USP8: variants seen among roughly 807,000 people sequenced by gnomAD.
USP8 encodes the protein ubiquitin specific peptidase 8, also known as ubiquitin carboxyl-terminal hydrolase 8.
In USP8, 27 loss-of-function variants were observed where a neutral mutation model predicts 130.0. The observed-to-expected ratio is 0.21, with a 90% confidence interval of 0.15 to 0.29. The LOEUF (loss-of-function observed/expected upper bound fraction) is 0.29. Among genes scored for constraint, USP8 ranks in the 10% least tolerant of loss-of-function variants. The pLI is 1.00. For synonymous variants in USP8, 392 were observed against 444.1 expected (o/e 0.88, Z 1.48); for missense variants, 1,029 against 1,312.2 (o/e 0.78, Z 3.33).
Position 50,459,050 on chromosome 15 carries a change from A to G in USP8, c.386A>G (p.Glu129Gly). 6.2e-7 allele frequency: 1 copy of G among 1,613,954 alleles called. No individual in the cohort carries two copies. Among genetic ancestry groups the G allele is most frequent in the Non-Finnish European group, 8.5e-7 (1 of 1,180,030 alleles). ...AAACTTGAGGAAAAAGACAGGCAGG[A>G]GGAAGCACAGCGGCTACAACAAAAA... ...RKKLEEKDRQEEAQRLQQKRQ... is the reference protein window; with the variant it reads ...RKKLEEKDRQGEAQRLQQKRQ... The change falls in exon 5 of 20, where the codon GAG becomes GGG. Residue 129 changes from glutamate (E) to glycine (G), a missense_variant. Glu to Gly is a moderately conservative substitution (Grantham distance 98). Coordinates refer to ENST00000307179, the MANE Select transcript of USP8 (RefSeq NM_005154.5).
At chr15:50,456,778 C>T (rs1415523524) in intron 4 of USP8, among the ~76,000 whole-genome samples, 1 of 151,910 alleles carries the variant, frequency 6.6e-6, no homozygotes, top group African/African-American at 2.4e-5. Flanking sequence ...CCCAGCTACT[C>T]GGGAGGCTGA....
chr15:50,467,208 ATAAT>A (rs1432980633), intron 7 of USP8: 1 of 173,970 alleles, frequency 5.7e-6, no homozygotes, highest in African/African-American at 2.4e-5. Flanking sequence ...AGACGAAGTT[ATAAT>A]TAGTCTTTGG....
chr15:50,424,571 C>T (rs1183170291), intron 1 of USP8, 57 bp downstream of exon 1: 1 of 398,436 alleles, frequency 2.5e-6, no homozygotes, highest in Admixed American at 4.4e-5. Flanking sequence ...CCGCTGTGAA[C>T]GATGAACGCC....
intron 7 of USP8, among the ~76,000 whole-genome samples, chr15:50,468,235 C>CTTTT (rs71424068): frequency 2.0e-4 from 21 of 105,516 alleles, no homozygotes; most frequent in African/African-American, 6.6e-4. Flanking sequence ...TGTACCTGGC[C>CTTTT]TTTTTTTTTT....
chr15:50,506,480 C>G lies in USP8; in HGVS notation c.*7392C>G, dbSNP rs1046709878. 6.6e-6 allele frequency: 1 copy of G among 152,136 alleles called. No homozygotes were observed. Among genetic ancestry groups the G allele is most frequent in the Admixed American group, 6.6e-5 (1 of 15,264 alleles). 9.4% of individuals were successfully genotyped at this position (152,136 alleles called of 1,614,324 possible). On this transcript the variant is annotated 3_prime_UTR_variant, in exon 20 of 20. Coordinates refer to ENST00000307179, the MANE Select transcript of USP8 (RefSeq NM_005154.5). ...CGGCCCCCATCCATGGGAAAAAAAC[C>G]GCATCAGTGGAAAAATTGTCTTCCA...
chr15:50,470,122 C>CG (rs1471681905), intron 7 of USP8, among the ~76,000 whole-genome samples: 1 of 152,126 alleles, frequency 6.6e-6, no homozygotes, highest in East Asian at 1.9e-4. Context: ...TGTGAGCCAC[C>CG]GCGTCCAGCT....
chr15:50,480,826 G>A (rs1297324030), intron 10 of USP8, among the ~76,000 whole-genome samples: 1 of 151,952 alleles, frequency 6.6e-6, no homozygotes, highest in Non-Finnish European at 1.5e-5. Flanking sequence ...TTGGGGGGCG[G>A]GGGCAAGAGA....
intron 18 of USP8, 56 bp downstream of exon 18, chr15:50,497,287 T>C: frequency 6.5e-7 from 1 of 1,546,854 alleles, no homozygotes; most frequent in Non-Finnish European, 8.7e-7. Context: ...GAATTTTAAG[T>C]TCTGTGTAAT....
chr15:50,499,446 A>T lies in USP8; in HGVS notation c.*358A>T, dbSNP rs2052535358. 1 of 163,188 alleles carries T rather than the reference A, an allele frequency of 6.1e-6. No homozygotes were observed. The highest frequency in any genetic ancestry group is 2.4e-5 in the African/African-American group (1 of 41,748). The allele number at this position is 163,188 out of a possible 1,614,324, so 10.1% of individuals were successfully genotyped here. A position where few individuals can be genotyped will look rare whatever the true frequency, so the allele number is the denominator to read the frequency against. On this transcript the variant is annotated 3_prime_UTR_variant, in exon 20 of 20. Transcript: ENST00000307179. ...TCACATTTCTAAATCCCATCTTGAT[A>T]TACTATGAATACTCTAGAATGATGT...
At chr15:50,437,231 T>A (rs1300059602) in intron 1 of USP8, among the ~76,000 whole-genome samples, 1 of 152,172 alleles carries the variant, frequency 6.6e-6, no homozygotes, top group Non-Finnish European at 1.5e-5. Context: ...CCTGTGCACA[T>A]ACTACCCAAT....
Position 50,500,642 on chromosome 15 carries a change from A to G in USP8, c.*1554A>G, listed in dbSNP as rs2052566203. 1.1e-6 allele frequency: 1 copy of G among 874,986 alleles called. No individual in the cohort carries two copies. 54.2% of individuals were successfully genotyped at this position (874,986 alleles called of 1,614,324 possible). ...TGTTTTGCAGTGTTCAGGAAACACC[A>G]TTTTCCTGGCTCTTAACGCTTTTGT... On this transcript the variant is annotated 3_prime_UTR_variant, in exon 20 of 20. Coordinates refer to ENST00000307179, the MANE Select transcript of USP8 (RefSeq NM_005154.5).
At chr15:50,424,653 A>C (rs1335780646) in intron 1 of USP8, 139 bp downstream of exon 1, 2 of 396,072 alleles carry the variant, frequency 5.0e-6, no homozygotes, top group Non-Finnish European at 4.4e-6. Context: ...CAACTCCTAA[A>C]GGTAGAATCA....
rs769270133 is a variant in USP8, at chr15:50,465,191, G to A, written c.686G>A (p.Gly229Glu). 7 of 1,613,100 alleles carry A rather than the reference G, an allele frequency of 4.3e-6. No individual in the cohort carries two copies. The highest frequency in any genetic ancestry group is 5.9e-6 in the Non-Finnish European group (7 of 1,179,462). ...LSVPEEAISPGVTASWIEAHL... is the reference protein window; with the variant it reads ...LSVPEEAISPEVTASWIEAHL... Reference sequence around the variant, plus strand: ...GTTCCTGAAGAAGCCATCAGTCCAGGGTGGGTTATTGTGTAGTAAAGTAGT... The same window carrying A: ...GTTCCTGAAGAAGCCATCAGTCCAGAGTGGGTTATTGTGTAGTAAAGTAGT... The change falls in exon 7 of 20, where the codon GGA becomes GAA. Residue 229 changes from glycine (G) to glutamate (E), a missense_variant and splice_region_variant. Around this residue, in one of 4 missense-constraint regions of USP8, gnomAD observed 281 missense variants for 336.7 expected, o/e 0.83. Coordinates refer to ENST00000307179, the MANE Select transcript of USP8 (RefSeq NM_005154.5).
intron 10 of USP8, among the ~76,000 whole-genome samples, chr15:50,480,953 G>T (rs1193558011): frequency 6.6e-6 from 1 of 151,960 alleles, no homozygotes; most frequent in African/African-American, 2.4e-5. Flanking sequence ...AATTAACAGC[G>T]TGCAGAAGGA....
chr15:50,475,992 A>T (rs79489702), intron 8 of USP8, among the ~76,000 whole-genome samples: 4 of 151,718 alleles, frequency 2.6e-5, no homozygotes, highest in African/African-American at 9.7e-5. Context: ...AGCTTAAGCA[A>T]CTCCCTTTCT....
chr15:50,477,359 GA>G lies in USP8; in HGVS notation c.1082del (p.Asn361IlefsTer2). 1 of 1,614,086 alleles carries G rather than the reference GA, an allele frequency of 6.2e-7. No homozygotes were observed. Among genetic ancestry groups the G allele is most frequent in the Non-Finnish European group, 8.5e-7 (1 of 1,180,016 alleles). ...QTPPASIEVD[E>X]NIELISGQNE... is the part of the protein sequence containing the mutation. ...GCCACCTGCATCTATAGAAGTAGAT[GA>G]AAATATAGAATTGATAAGTGGTCAA... On this transcript the variant is annotated frameshift_variant, in exon 10 of 20. Coordinates refer to ENST00000307179, the MANE Select transcript of USP8 (RefSeq NM_005154.5). LOFTEE classifies it high-confidence loss of function.
intron 1 of USP8, chr15:50,426,865 G>C (rs2049745241): frequency 6.6e-6 from 1 of 152,098 alleles, no homozygotes; most frequent in Non-Finnish European, 1.5e-5. Flanking sequence ...CTATAATTTT[G>C]ATGACAAAGT....
At chr15:50,437,793 G>C (rs963147685) in intron 1 of USP8, among the ~76,000 whole-genome samples, 1 of 152,172 alleles carries the variant, frequency 6.6e-6, no homozygotes, top group Non-Finnish European at 1.5e-5. Context: ...GATCCATTTG[G>C]GAGTGATAGT....
At chr15:50,438,606 G>A (rs1453010176) in intron 1 of USP8, among the ~76,000 whole-genome samples, 4 of 151,928 alleles carry the variant, frequency 2.6e-5, no homozygotes, top group Non-Finnish European at 4.4e-5. Flanking sequence ...TAAATAAGAG[G>A]AAGAAGTCAC....
Sources: allele counts gnomAD v4.1 joint callset (sites outside exome capture counted in the v4.1 genomes callset), GRCh38; gene constraint gnomAD v4.1.1; regional missense constraint gnomAD v4.1.1; transcripts MANE v1.5; gene names NCBI Gene and HGNC (gene_info 2026-07-23, HGNC 2026-07-21).